SETBP1: variants seen among roughly 807,000 people sequenced by gnomAD.
SETBP1 encodes SET binding protein 1.
SETBP1 carries 9 observed loss-of-function variants against 101.0 expected under a neutral mutation model. That is an observed-to-expected ratio of 0.09 (90% CI 0.05 to 0.16). The LOEUF (loss-of-function observed/expected upper bound fraction) is 0.16, where lower values mean the gene tolerates loss of function less well. SETBP1 is among the 10% of genes least tolerant of loss of function. SETBP1 has a pLI of 1.00. For missense variants in SETBP1, 1,858 were observed against 2,033.8 expected, an observed-to-expected ratio of 0.91 and a Z score of 1.66; for synonymous variants, 818 against 788.5, an observed-to-expected ratio of 1.04 and a Z score of -0.63.
intron 2 of SETBP1, among the ~76,000 whole-genome samples, chr18:44,867,697 C>T (rs2069159865): frequency 6.6e-6 from 1 of 152,220 alleles, no homozygotes. Context: ...CCCCAAGACA[C>T]CTTCCACATG....
At chr18:44,974,964 G>A (rs1054121361) in intron 4 of SETBP1, among the ~76,000 whole-genome samples, 3 of 152,174 alleles carry the variant, frequency 2.0e-5, no homozygotes, top group Non-Finnish European at 4.4e-5. Flanking sequence ...TGCCCTTTGT[G>A]AACATGTAGA....
intron 2 of SETBP1, among the ~76,000 whole-genome samples, chr18:44,826,473 G>A (rs1052809971): frequency 6.6e-6 from 1 of 152,154 alleles, no homozygotes; most frequent in Non-Finnish European, 1.5e-5. Context: ...GGGCTCCCAG[G>A]TTGCCTCACA....
At chr18:44,955,405 C>T (rs1264756195) in intron 4 of SETBP1, among the ~76,000 whole-genome samples, 3 of 152,212 alleles carry the variant, frequency 2.0e-5, no homozygotes, top group African/African-American at 7.2e-5. Flanking sequence ...AACTCTGTTA[C>T]TAATTCTCCG....
chr18:44,831,835 T>TC (rs2072376926), intron 2 of SETBP1, among the ~76,000 whole-genome samples: 1 of 152,184 alleles, frequency 6.6e-6, no homozygotes, highest in African/African-American at 2.4e-5. Context: ...AGATTTTAAA[T>TC]CCGCCCATGA....
At chr18:44,784,069 G>T (rs551391116) in intron 2 of SETBP1, among the ~76,000 whole-genome samples, 1 of 152,314 alleles carries the variant, frequency 6.6e-6, no homozygotes, top group African/African-American at 2.4e-5. Flanking sequence ...TTTGTCTTCC[G>T]ATCTGGAAGA....
rs373079858 is a variant in SETBP1 at position 44,953,349 on chromosome 18, G to A, written c.4000+9G>A. Reference sequence around the variant, plus strand: ...CTCCTCCATGTCTCCAGGTAAGGCTGTTTTTCTTCAGAAATGGATTATCAA... The same window carrying A: ...CTCCTCCATGTCTCCAGGTAAGGCTATTTTTCTTCAGAAATGGATTATCAA... On this transcript the variant is annotated intron_variant, in intron 4 of 5. Transcript: ENST00000649279. 16 of 1,610,778 alleles carry A rather than the reference G, an allele frequency of 9.9e-6. No individual in the cohort carries two copies. Among genetic ancestry groups the A allele is most frequent in the Admixed American group, 6.7e-5 (4 of 59,924 alleles).
intron 4 of SETBP1, among the ~76,000 whole-genome samples, chr18:45,032,397 G>A (rs1403559923): frequency 5.9e-5 from 9 of 152,152 alleles, no homozygotes; most frequent in African/African-American, 2.2e-4. Flanking sequence ...ACTCTCAAAT[G>A]ATTGTTAAAT....
intron 2 of SETBP1, among the ~76,000 whole-genome samples, chr18:44,817,788 G>C (rs1055520660): frequency 6.6e-6 from 1 of 152,110 alleles, no homozygotes; most frequent in Non-Finnish European, 1.5e-5. Flanking sequence ...AAGTCTTCTT[G>C]GTTGAGGAGG....
At chr18:45,044,057 TTGAATGATGACC>T (rs1298471016) in intron 5 of SETBP1, among the ~76,000 whole-genome samples, 4 of 152,230 alleles carry the variant, frequency 2.6e-5, no homozygotes, top group Admixed American at 2.0e-4. Context: ...TGTTGTTATG[TTGAATGATGACC>T]TGGAGCCCCT....
In SETBP1 at chr18:44,809,670, A is replaced by G. The variant is rs971046290; in HGVS notation, c.487-59560A>G. Among the ~76,000 whole-genome samples the G allele has an allele frequency of 5.9e-5, 9 of 152,290 alleles. No individual in the cohort carries two copies. The East Asian group carries it at 1.5e-3, about 26-fold the overall frequency. On this transcript the variant is annotated intron_variant, in intron 2 of 5. Coordinates refer to ENST00000649279, the MANE Select transcript of SETBP1 (RefSeq NM_015559.3). The stretch of plus-strand genomic sequence containing the variant: ...TTCTTTTAATAAGAGCTCTGGTCTC[A>G]TTGGCCACAGCTCATTACCTTAGGG...
intron 2 of SETBP1, chr18:44,733,137 C>T (rs1395202095): frequency 1.3e-5 from 2 of 152,172 alleles, no homozygotes; most frequent in South Asian, 2.1e-4. Flanking sequence ...CAAGTGGCTC[C>T]CTCTGAACCA....
intron 2 of SETBP1, among the ~76,000 whole-genome samples, chr18:44,726,234 A>G (rs1055280139): frequency 6.6e-6 from 1 of 152,166 alleles, no homozygotes; most frequent in Non-Finnish European, 1.5e-5. Context: ...AGCCTTCTTG[A>G]TTTTCATTCC....
intron 2 of SETBP1, among the ~76,000 whole-genome samples, chr18:44,844,630 G>T (rs1020141754): frequency 2.0e-5 from 3 of 152,150 alleles, no homozygotes; most frequent in Non-Finnish European, 2.9e-5. Flanking sequence ...CTCCACCCAC[G>T]ATCATGAGAA....
At chr18:44,884,916 G>T (rs2144753339) in intron 3 of SETBP1, among the ~76,000 whole-genome samples, 1 of 152,072 alleles carries the variant, frequency 6.6e-6, no homozygotes, top group South Asian at 2.1e-4. Flanking sequence ...GATTACTACG[G>T]TAATACATAA....
intron 2 of SETBP1, among the ~76,000 whole-genome samples, chr18:44,716,282 C>T (rs1288464181): frequency 6.6e-6 from 1 of 151,996 alleles, no homozygotes; most frequent in Admixed American, 6.6e-5. Context: ...GTGGGGGATC[C>T]CCTTGTTTAA....
intron 3 of SETBP1, among the ~76,000 whole-genome samples, chr18:44,915,572 T>G (rs573332943): frequency 2.0e-5 from 3 of 152,188 alleles, no homozygotes; most frequent in Admixed American, 6.5e-5. Flanking sequence ...ATGTGCAGTA[T>G]TGACTGTTAA....
At chr18:44,714,191 T>A (rs2069409235) in intron 2 of SETBP1, among the ~76,000 whole-genome samples, 1 of 152,154 alleles carries the variant, frequency 6.6e-6, no homozygotes, top group South Asian at 2.1e-4. Context: ...GTTAAACAAG[T>A]TCTTCTTAGG....
At chr18:45,034,618 G>A (rs184767220) in intron 4 of SETBP1, among the ~76,000 whole-genome samples, 13 of 152,104 alleles carry the variant, frequency 8.5e-5, no homozygotes, top group African/African-American at 1.4e-4. Context: ...ATTTCCTTCC[G>A]GCTGTGTCTT....
chr18:44,703,487 G>C (rs1473536249), intron 2 of SETBP1, among the ~76,000 whole-genome samples: 1 of 148,232 alleles, frequency 6.7e-6, no homozygotes, highest in Non-Finnish European at 1.5e-5. Flanking sequence ...GGGTGTTGTG[G>C]CTGATTTTGT....
Sources: allele counts gnomAD v4.1 joint callset (sites outside exome capture counted in the v4.1 genomes callset), GRCh38; gene constraint gnomAD v4.1.1; transcripts MANE v1.5; gene names NCBI Gene and HGNC (gene_info 2026-07-23, HGNC 2026-07-21).